Variants in DGKB observed in about 807,000 individuals in gnomAD.
DGKB encodes 90 kDa diacylglycerol kinase.
A neutral mutation model predicts 114.3 loss-of-function variants in DGKB; 67 were observed. That is an observed-to-expected ratio of 0.59 (90% CI 0.48 to 0.72). DGKB has a LOEUF of 0.72. Among genes scored for constraint, DGKB ranks in the 30% least tolerant of loss-of-function variants. The pLI is 0.00. For synonymous variants in DGKB, 398 were observed against 323.1 expected (o/e 1.23, Z -2.49); for missense variants, 907 against 975.2 (o/e 0.93, Z 0.93).
intron 5 of DGKB, among the ~76,000 whole-genome samples, chr7:14,735,450 T>C (rs1396424789): frequency 6.6e-6 from 1 of 152,148 alleles, no homozygotes; most frequent in African/African-American, 2.4e-5. Flanking sequence ...CCAATTACAC[T>C]GTTTTACATT....
chr7:14,958,730 T>C lies in DGKB; in HGVS notation c.-188+15966A>G, dbSNP rs1362925925. ...TTTTTATCACCTCCTTAGATGTAAA[T>C]GTAACTGTTTTCATAAAGCAAGTTT... On this transcript the variant is annotated intron_variant, in intron 1 of 4. Transcript: ENST00000437998. 5.3e-5 allele frequency among the ~76,000 whole-genome samples: 8 copies of C among 152,130 alleles called. No individual in the cohort carries two copies. In the East Asian group the frequency reaches 5.8e-4, roughly 11 times the overall value.
At chr7:14,395,227 T>C (rs1474633186) in intron 21 of DGKB, among the ~76,000 whole-genome samples, 1 of 152,012 alleles carries the variant, frequency 6.6e-6, no homozygotes, top group Admixed American at 6.6e-5. Flanking sequence ...TAAAGGCAAA[T>C]CTTATAGTGC....
chr7:14,249,761 T>A (rs1794965988), intron 23 of DGKB, among the ~76,000 whole-genome samples: 1 of 152,126 alleles, frequency 6.6e-6, no homozygotes, highest in Admixed American at 6.6e-5. Flanking sequence ...TAATTTTTTT[T>A]ATCTTTCCAA....
At chr7:14,324,806 C>A (rs1010916885) in intron 23 of DGKB, among the ~76,000 whole-genome samples, 1 of 138,652 alleles carries the variant, frequency 7.2e-6, no homozygotes, top group Admixed American at 7.3e-5. Context: ...TCACAGTTTC[C>A]CTGAGAGTTG....
chr7:14,464,684 T>A (rs941217769), intron 21 of DGKB, among the ~76,000 whole-genome samples: 1 of 152,164 alleles, frequency 6.6e-6, no homozygotes, highest in African/African-American at 2.4e-5. Flanking sequence ...TTTTATCACA[T>A]CATTAAAAAG....
chr7:14,776,617 G>A (rs1838237449), intron 2 of DGKB, among the ~76,000 whole-genome samples: 1 of 152,200 alleles, frequency 6.6e-6, no homozygotes, highest in African/African-American at 2.4e-5. Flanking sequence ...TTGGTCCTGT[G>A]GGTACACAGA....
At chr7:14,948,478 T>C (rs936087403) in intron 1 of DGKB, among the ~76,000 whole-genome samples, 1 of 151,690 alleles carries the variant, frequency 6.6e-6, no homozygotes. Context: ...AAGAAAAATA[T>C]AAAACATAAA....
intron 23 of DGKB, among the ~76,000 whole-genome samples, chr7:14,316,211 A>G (rs1366098555): frequency 1.3e-5 from 2 of 151,992 alleles, no homozygotes; most frequent in Admixed American, 6.6e-5. Flanking sequence ...CCCTAACATC[A>G]CAATTAAAAG....
chr7:14,644,362 T>C (rs1812484596), intron 13 of DGKB, among the ~76,000 whole-genome samples: 1 of 152,126 alleles, frequency 6.6e-6, no homozygotes, highest in South Asian at 2.1e-4. Context: ...TATTCTGCAG[T>C]AACAGACCAC....
chr7:14,575,541 T>C (rs1007127920), intron 19 of DGKB, among the ~76,000 whole-genome samples: 1 of 152,200 alleles, frequency 6.6e-6, no homozygotes, highest in Non-Finnish European at 1.5e-5. Context: ...GTAAAAACCT[T>C]AGGGTTCTTG....
intron 13 of DGKB, among the ~76,000 whole-genome samples, chr7:14,658,178 T>G (rs751602000): frequency 1.3e-5 from 2 of 151,894 alleles, no homozygotes; most frequent in East Asian, 3.9e-4. Flanking sequence ...CGTAGATTGC[T>G]GCTTCAGCAA....
At chr7:14,854,629 C>G (rs182988555) in intron 1 of DGKB, among the ~76,000 whole-genome samples, 3 of 152,294 alleles carry the variant, frequency 2.0e-5, no homozygotes, top group Non-Finnish European at 2.9e-5. Context: ...AGGCGGAGCT[C>G]AGGTGGTAAC....
At chr7:14,801,334 G>A (rs1350023673) in intron 2 of DGKB, among the ~76,000 whole-genome samples, 3 of 152,074 alleles carry the variant, frequency 2.0e-5, no homozygotes, top group East Asian at 1.9e-4. Flanking sequence ...ATGGTTTAAG[G>A]GGTGTGCATG....
chr7:14,643,131 A>G (rs1474947217), intron 13 of DGKB, among the ~76,000 whole-genome samples: 1 of 152,166 alleles, frequency 6.6e-6, no homozygotes, highest in Non-Finnish European at 1.5e-5. Context: ...TAAGACATGG[A>G]AACTCCTGAT....
intron 23 of DGKB, among the ~76,000 whole-genome samples, chr7:14,252,613 C>T (rs1371304236): frequency 1.3e-5 from 2 of 152,112 alleles, no homozygotes; most frequent in Non-Finnish European, 2.9e-5. Flanking sequence ...CTCAACCAGG[C>T]GCCAGGCTCC....
intron 20 of DGKB, among the ~76,000 whole-genome samples, chr7:14,557,914 T>C (rs563105732): frequency 1.3e-5 from 2 of 151,814 alleles, no homozygotes; most frequent in East Asian, 1.9e-4. Flanking sequence ...CATTGGTTGA[T>C]TATTTTATCT....
At chr7:14,172,059 G>A (rs1006169987) in intron 25 of DGKB, among the ~76,000 whole-genome samples, 1 of 152,222 alleles carries the variant, frequency 6.6e-6, no homozygotes, top group Non-Finnish European at 1.5e-5. Flanking sequence ...AGGAGGGGTT[G>A]TGCTCAGGGA....
At chr7:14,263,025 C>T (rs975464556) in intron 23 of DGKB, among the ~76,000 whole-genome samples, 1 of 151,996 alleles carries the variant, frequency 6.6e-6, no homozygotes, top group Non-Finnish European at 1.5e-5. Context: ...TGAAGGGCTG[C>T]ACATTCTATC....
At chr7:14,931,038 G>C (rs1359188299) in intron 1 of DGKB, among the ~76,000 whole-genome samples, 1 of 151,134 alleles carries the variant, frequency 6.6e-6, no homozygotes, top group Non-Finnish European at 1.5e-5. Context: ...AAACCATCTT[G>C]CATCACTGGT....
Sources: allele counts gnomAD v4.1 joint callset (sites outside exome capture counted in the v4.1 genomes callset), GRCh38; gene constraint gnomAD v4.1.1; transcripts MANE v1.5; gene names NCBI Gene and HGNC (gene_info 2026-07-23, HGNC 2026-07-21).